COL5A2: variants seen among roughly 807,000 people sequenced by gnomAD.
COL5A2 encodes the protein collagen alpha-2(V) chain.
A neutral mutation model predicts 208.2 loss-of-function variants in COL5A2; 23 were observed. The ratio of observed to expected loss-of-function variants is 0.11; its 90% confidence interval spans 0.08 to 0.16. The LOEUF (loss-of-function observed/expected upper bound fraction) is 0.16. Among genes scored for constraint, COL5A2 ranks in the 10% least tolerant of loss-of-function variants. The pLI is 1.00. For missense variants in COL5A2, 1,590 were observed against 1,956.4 expected (o/e 0.81, Z 3.53); for synonymous variants, 625 against 628.5 (o/e 0.99, Z 0.08).
chr2:189,391,626 C>A, the COL5A2 span, among the ~76,000 whole-genome samples: 1 of 152,088 alleles, frequency 6.6e-6, no homozygotes, highest in African/African-American at 2.4e-5. Flanking sequence ...ATACTGTCCT[C>A]AGAGGGCATC....
At chr2:189,298,782 C>T in the COL5A2 span, among the ~76,000 whole-genome samples, 3 of 152,128 alleles carry the variant, frequency 2.0e-5, no homozygotes, top group Non-Finnish European at 2.9e-5. Context: ...TCCATTTCTC[C>T]CCTAAGGAGG....
At chr2:189,317,830 T>C in the COL5A2 span, among the ~76,000 whole-genome samples, 2 of 152,196 alleles carry the variant, frequency 1.3e-5, no homozygotes, top group African/African-American at 4.8e-5. Flanking sequence ...TGAAAGCAGC[T>C]ATGCCAACAA....
chr2:189,156,802 G>A (rs1688256593), intron 1 of COL5A2, among the ~76,000 whole-genome samples: 1 of 152,010 alleles, frequency 6.6e-6, no homozygotes, highest in Non-Finnish European at 1.5e-5. Flanking sequence ...TTCCAAAATA[G>A]CTAGCATAAA....
At chr2:189,060,306 G>A (rs551874974) in intron 31 of COL5A2, among the ~76,000 whole-genome samples, 24 of 152,196 alleles carry the variant, frequency 1.6e-4, no homozygotes, top group African/African-American at 5.8e-4. Context: ...GCTGGTTCAG[G>A]CCAGTGCTTT....
chr2:189,133,402 T>A (rs1334570716), intron 1 of COL5A2, among the ~76,000 whole-genome samples: 1 of 152,038 alleles, frequency 6.6e-6, no homozygotes, highest in Admixed American at 6.6e-5. Context: ...ATTACAAGCG[T>A]GAGCCACCAC....
the COL5A2 span, among the ~76,000 whole-genome samples, chr2:189,298,510 C>T: frequency 6.6e-6 from 1 of 152,154 alleles, no homozygotes; most frequent in Non-Finnish European, 1.5e-5. Context: ...GTCTGCTTAC[C>T]TTCTATGATA....
the COL5A2 span, among the ~76,000 whole-genome samples, chr2:189,405,104 C>A: frequency 6.6e-6 from 1 of 152,008 alleles, no homozygotes; most frequent in East Asian, 1.9e-4. Context: ...ACAGAAAGTT[C>A]TTTATAGGCA....
At chr2:189,343,228 A>G in the COL5A2 span, among the ~76,000 whole-genome samples, 1 of 152,216 alleles carries the variant, frequency 6.6e-6, no homozygotes, top group African/African-American at 2.4e-5. Flanking sequence ...CCATAATTTG[A>G]ATCAACCTTT....
chr2:189,063,005 T>C lies in COL5A2; in HGVS notation c.1923+5A>G. 1 of 1,614,140 alleles carries C rather than the reference T, an allele frequency of 6.2e-7. No homozygotes were observed. Among genetic ancestry groups the C allele is most frequent in the South Asian group, 1.1e-5 (1 of 91,086 alleles). On this transcript the variant is annotated splice_donor_5th_base_variant and intron_variant, in intron 28 of 53. Transcript: ENST00000374866. ...ATTTTTCTTTAGCAGAAAATGTATA[T>C]TTACCCTCTGCCCAGGAACTCCAGC... is the stretch of plus-strand genomic sequence containing the variant.
At chr2:189,374,169 T>C in the COL5A2 span, among the ~76,000 whole-genome samples, 1 of 152,296 alleles carries the variant, frequency 6.6e-6, no homozygotes, top group East Asian at 1.9e-4. Flanking sequence ...AAAAATATTA[T>C]AGTAGGAAAA....
chr2:189,069,970 A>T (rs889693997), intron 18 of COL5A2, among the ~76,000 whole-genome samples: 2 of 152,220 alleles, frequency 1.3e-5, no homozygotes, highest in Non-Finnish European at 2.9e-5. Flanking sequence ...GATAAGAATT[A>T]AAAGATACTT....
chr2:189,062,242 G>A (rs1211148642), intron 29 of COL5A2, among the ~76,000 whole-genome samples: 4 of 151,164 alleles, frequency 2.6e-5, no homozygotes, highest in African/African-American at 4.9e-5. Context: ...GGAGTGCAAC[G>A]GTGTAATTTT....
At chr2:189,268,128 T>A in the COL5A2 span, among the ~76,000 whole-genome samples, 2 of 152,082 alleles carry the variant, frequency 1.3e-5, 1 homozygote, top group South Asian at 4.1e-4. Flanking sequence ...GTTCCCATAC[T>A]CTTTGAGTCA....
At chr2:189,431,594 C>T in the COL5A2 span, among the ~76,000 whole-genome samples, 1 of 151,966 alleles carries the variant, frequency 6.6e-6, no homozygotes, top group African/African-American at 2.4e-5. Flanking sequence ...GAAAGGGTAT[C>T]AGTGATTCAA....
chr2:189,258,340 A>C, the COL5A2 span, among the ~76,000 whole-genome samples: 1 of 152,194 alleles, frequency 6.6e-6, no homozygotes, highest in South Asian at 2.1e-4. Flanking sequence ...TGGTCCATAA[A>C]AACTAAAACA....
chr2:189,299,399 G>C, the COL5A2 span, among the ~76,000 whole-genome samples: 1 of 152,116 alleles, frequency 6.6e-6, no homozygotes, highest in East Asian at 1.9e-4. Flanking sequence ...GGAAATATCT[G>C]AACCCCAGAC....
intron 1 of COL5A2, among the ~76,000 whole-genome samples, chr2:189,152,250 G>A (rs1688159311): frequency 6.6e-6 from 1 of 152,184 alleles, no homozygotes; most frequent in Non-Finnish European, 1.5e-5. Context: ...GCTCATAGAT[G>A]AAAAATCTAG....
the COL5A2 span, among the ~76,000 whole-genome samples, chr2:189,247,162 G>C: frequency 6.6e-6 from 1 of 152,148 alleles, no homozygotes; most frequent in East Asian, 1.9e-4. Context: ...AAACGGCCAT[G>C]GACCAGTTGT....
chr2:189,264,698 T>G, the COL5A2 span, among the ~76,000 whole-genome samples: 163 of 152,136 alleles, frequency 1.1e-3, 1 homozygote, highest in African/African-American at 3.9e-3. Flanking sequence ...CTTGGACTCA[T>G]AAAAAGCAAT....
Sources: allele counts gnomAD v4.1 joint callset (sites outside exome capture counted in the v4.1 genomes callset), GRCh38; gene constraint gnomAD v4.1.1; transcripts MANE v1.5; gene names NCBI Gene and HGNC (gene_info 2026-07-23, HGNC 2026-07-21).